The following LMLN variants were observed in gnomAD, a reference collection of about 807,000 sequenced individuals.
LMLN encodes leishmanolysin like peptidase, also known as leishmanolysin-like peptidase.
Under a neutral mutation model 92.3 loss-of-function variants are expected in LMLN, and 70 were observed. That is an observed-to-expected ratio of 0.76 (90% CI 0.63 to 0.92). The LOEUF is 0.92. Ranked by LOEUF, LMLN falls within the 40% of genes least tolerant of loss-of-function variation. LMLN has a pLI of 0.00. For missense variants in LMLN, 691 were observed against 814.6 expected (o/e 0.85, Z 1.85); for synonymous variants, 308 against 296.2 (o/e 1.04, Z -0.41).
At chr3:198,038,267 C>G (rs1446438166) in intron 15 of LMLN, 3 of 306,010 alleles carry the variant, frequency 9.8e-6, no homozygotes, top group Non-Finnish European at 1.8e-5. Context: ...GTTCTTCACC[C>G]CATCTCAGAA....
chr3:198,034,218 T>C (rs1723150880), intron 14 of LMLN, among the ~76,000 whole-genome samples: 1 of 152,192 alleles, frequency 6.6e-6, no homozygotes, highest in Non-Finnish European at 1.5e-5. Flanking sequence ...ACTTTGAAGA[T>C]AGGTCCAAGA....
intron 14 of LMLN, among the ~76,000 whole-genome samples, chr3:198,032,114 A>G (rs1291875443): frequency 3.3e-5 from 5 of 151,698 alleles, no homozygotes; most frequent in Non-Finnish European, 5.9e-5. Context: ...AAAAAAAAAA[A>G]AAAGAAAAGA....
At chr3:198,032,447 G>A (rs114468817) in intron 14 of LMLN, among the ~76,000 whole-genome samples, 1 of 152,168 alleles carries the variant, frequency 6.6e-6, no homozygotes, top group African/African-American at 2.4e-5. Context: ...CCAGTATGCT[G>A]GTGTATTAGT....
At chr3:198,006,775 C>T (rs959604063) in intron 11 of LMLN, among the ~76,000 whole-genome samples, 23 of 151,692 alleles carry the variant, frequency 1.5e-4, no homozygotes, top group Non-Finnish European at 2.8e-4. Flanking sequence ...TGCAGTGGCG[C>T]GATCTTGGCT....
At chr3:198,014,288 T>A (rs368129345) in intron 11 of LMLN, among the ~76,000 whole-genome samples, 89 of 69,350 alleles carry the variant, frequency 1.3e-3, no homozygotes, top group Non-Finnish European at 2.0e-3. Context: ...CCCTTCAGAG[T>A]CCCCTAACTA....
intron 11 of LMLN, among the ~76,000 whole-genome samples, chr3:198,001,127 G>T (rs7643766): frequency 0.17 from 26,205 of 152,008 alleles, 2,828 homozygotes; most frequent in African/African-American, 0.31. Flanking sequence ...TAATGTAGGT[G>T]TTTCTGTTAC....
At chr3:197,987,395 G>A (rs1721743761) in intron 8 of LMLN, among the ~76,000 whole-genome samples, 1 of 151,632 alleles carries the variant, frequency 6.6e-6, no homozygotes, top group Non-Finnish European at 1.5e-5. Context: ...TGCTGACCTC[G>A]TGATCCACCC....
chr3:197,982,470 C>T (rs1721587637), intron 6 of LMLN, among the ~76,000 whole-genome samples: 2 of 152,206 alleles, frequency 1.3e-5, no homozygotes, highest in South Asian at 4.1e-4. Flanking sequence ...TGGTGATCCA[C>T]CTGCCTTGGC....
chr3:198,023,063 G>A lies in LMLN; in HGVS notation c.1525+1458G>A, dbSNP rs559773235. 5.9e-5 allele frequency among the ~76,000 whole-genome samples: 9 copies of A among 152,212 alleles called. No individual in the cohort carries two copies. The East Asian group carries it at 1.7e-3, about 29-fold the overall frequency. ...ATATCTGGGGCTTTGTGGGTCATAAGGTCTCTAGCTTTCTGATTCAGCTCA... is the reference window on the plus strand; with the variant it reads ...ATATCTGGGGCTTTGTGGGTCATAAAGTCTCTAGCTTTCTGATTCAGCTCA... On this transcript the variant is annotated intron_variant, in intron 13 of 15. Transcript: ENST00000330198.
chr3:198,015,734 C>T (rs1462474177), intron 11 of LMLN, among the ~76,000 whole-genome samples: 3 of 151,356 alleles, frequency 2.0e-5, no homozygotes, highest in East Asian at 3.9e-4. Flanking sequence ...CTTCAGAGTC[C>T]CCTAACTAGT....
chr3:197,979,740 C>T lies in LMLN; in HGVS notation c.550-586C>T, dbSNP rs575359504. Among the ~76,000 whole-genome samples the T allele has an allele frequency of 7.4e-4, 113 of 152,180 alleles. 2 individuals are homozygous for T. Among genetic ancestry groups the T allele is most frequent in the Middle Eastern group, 6.8e-3 (2 of 292 alleles). On this transcript the variant is annotated intron_variant, in intron 5 of 15. Coordinates refer to ENST00000330198, the Ensembl canonical transcript of LMLN. ...CTGAGGCAGGAGAGAGCCGAGATCA[C>T]GCCACTGCATTCCAGCCTGGGTGAC...
rs904044286 is a variant in LMLN at position 197,978,566 on chromosome 3, C to T, written c.550-1760C>T. Among the ~76,000 whole-genome samples, 6 of 151,970 alleles carry T rather than the reference C, an allele frequency of 3.9e-5. No homozygotes were observed. In the South Asian group the frequency reaches 6.2e-4, roughly 16 times the overall value. On this transcript the variant is annotated intron_variant, in intron 5 of 15. Transcript: ENST00000330198. ...GTGGGAGGATTGCCTGAGCTGGGGA[C>T]GTGGAGGTTGCAGTGAGCTATGATC... is the stretch of plus-strand genomic sequence containing the variant.
chr3:197,980,758 G>A (rs540280067), intron 6 of LMLN: 29 of 350,794 alleles, frequency 8.3e-5, no homozygotes, highest in South Asian at 7.4e-4. Context: ...TCTGCCTGCC[G>A]TTCCTCTTCC....
chr3:197,967,942 C>T (rs1403065131), intron 1 of LMLN, among the ~76,000 whole-genome samples: 1 of 152,232 alleles, frequency 6.6e-6, no homozygotes, highest in Non-Finnish European at 1.5e-5. Flanking sequence ...TGGCTGTATT[C>T]TGCCCAACTC....
intron 9 of LMLN, among the ~76,000 whole-genome samples, chr3:197,994,893 T>C (rs1721975082): frequency 6.6e-6 from 1 of 152,228 alleles, no homozygotes; most frequent in Admixed American, 6.5e-5. Flanking sequence ...GTCAAAGAGA[T>C]GTTTGCACTC....
intron 9 of LMLN, among the ~76,000 whole-genome samples, chr3:197,995,343 A>G (rs1008372032): frequency 2.0e-5 from 3 of 152,192 alleles, no homozygotes; most frequent in African/African-American, 7.2e-5. Context: ...GGGGAAATCA[A>G]CAGTTATACA....
At chr3:198,013,820 C>T (rs28424006) in intron 11 of LMLN, among the ~76,000 whole-genome samples, 15,594 of 124,202 alleles carry the variant, frequency 0.13, 3,122 homozygotes, top group African/African-American at 0.35. Flanking sequence ...CCTAACTAGT[C>T]GGACTTCTCT....
At chr3:197,989,148 A>G (rs1452262623) in intron 8 of LMLN, among the ~76,000 whole-genome samples, 2 of 152,186 alleles carry the variant, frequency 1.3e-5, no homozygotes, top group African/African-American at 4.8e-5. Flanking sequence ...TTTCACCATG[A>G]TTGTGGGCTG....
At chr3:198,027,508 C>T (rs374900948) in intron 14 of LMLN, among the ~76,000 whole-genome samples, 1 of 152,088 alleles carries the variant, frequency 6.6e-6, no homozygotes, top group East Asian at 1.9e-4. Context: ...TAAACAATCC[C>T]TCCCTCTTCC....
Sources: allele counts gnomAD v4.1 joint callset (sites outside exome capture counted in the v4.1 genomes callset), GRCh38; gene constraint gnomAD v4.1.1; transcripts MANE v1.5; gene names NCBI Gene and HGNC (gene_info 2026-07-23, HGNC 2026-07-21).